The following GTF2E1 variants were observed in gnomAD, a reference collection of about 807,000 sequenced individuals.
The protein encoded by GTF2E1 is general transcription factor IIE subunit 1.
In GTF2E1, 14 loss-of-function variants were observed where a neutral mutation model predicts 34.9. That is an observed-to-expected ratio of 0.40 (90% CI 0.27 to 0.63). The LOEUF (loss-of-function observed/expected upper bound fraction) is 0.63. Ranked by LOEUF, GTF2E1 falls within the 20% of genes least tolerant of loss-of-function variation. GTF2E1 has a pLI of 0.39. For missense variants in GTF2E1, 469 were observed against 557.7 expected (o/e 0.84, Z 1.60); for synonymous variants, 188 against 192.9 (o/e 0.97, Z 0.21).
chr3:120,747,503 G>GT (rs902835490), intron 1 of GTF2E1, among the ~76,000 whole-genome samples: 1 of 152,074 alleles, frequency 6.6e-6, no homozygotes, highest in African/African-American at 2.4e-5. Flanking sequence ...GCGGTGTTTG[G>GT]TTTTTTGTTC....
intron 1 of GTF2E1, among the ~76,000 whole-genome samples, chr3:120,749,409 T>C (rs1038920256): frequency 2.6e-5 from 4 of 152,218 alleles, no homozygotes; most frequent in Admixed American, 1.3e-4. Flanking sequence ...ATAGCTCTTA[T>C]TATTTTGAGA....
chr3:120,756,499 A>G, intron 2 of GTF2E1, among the ~76,000 whole-genome samples: 1 of 152,102 alleles, frequency 6.6e-6, no homozygotes, highest in Non-Finnish European at 1.5e-5. Context: ...AAAAGTTAAA[A>G]TATATATAAA....
At chr3:120,778,982 T>TG (rs1709425050) in intron 4 of GTF2E1, among the ~76,000 whole-genome samples, 1 of 152,204 alleles carries the variant, frequency 6.6e-6, no homozygotes. Context: ...TACCCACAAT[T>TG]GCTTAGCATC....
chr3:120,756,841 C>A (rs1304317372), intron 2 of GTF2E1, among the ~76,000 whole-genome samples: 2 of 151,938 alleles, frequency 1.3e-5, no homozygotes, highest in African/African-American at 4.8e-5. Flanking sequence ...CAGGAGAATC[C>A]TTTGAACCCA....
At chr3:120,746,789 C>T (rs957013349) in intron 1 of GTF2E1, among the ~76,000 whole-genome samples, 16 of 152,182 alleles carry the variant, frequency 1.1e-4, no homozygotes, top group Admixed American at 3.9e-4. Context: ...CAGAGCAAGA[C>T]ACTCTCTCTA....
At chr3:120,777,105 A>G in intron 4 of GTF2E1, among the ~76,000 whole-genome samples, 1 of 152,228 alleles carries the variant, frequency 6.6e-6, no homozygotes, top group East Asian at 1.9e-4. Context: ...AAATAGATAC[A>G]AAGAGACCAC....
intron 1 of GTF2E1, among the ~76,000 whole-genome samples, chr3:120,748,094 G>A (rs1709124129): frequency 6.6e-6 from 1 of 152,072 alleles, no homozygotes; most frequent in South Asian, 2.1e-4. Flanking sequence ...TTTTGATGGG[G>A]TTGTTTGTTT....
intron 2 of GTF2E1, among the ~76,000 whole-genome samples, chr3:120,767,141 T>A (rs181117675): frequency 1.0e-3 from 155 of 152,278 alleles, no homozygotes; most frequent in African/African-American, 3.6e-3. Context: ...CTTTTCCTTT[T>A]GTAATATTTG....
intron 2 of GTF2E1, among the ~76,000 whole-genome samples, chr3:120,765,241 A>G (rs1436607952): frequency 1.3e-5 from 2 of 152,066 alleles, no homozygotes; most frequent in Admixed American, 6.6e-5. Context: ...GGACATTCCT[A>G]TACTACTGAA....
chr3:120,758,542 G>C (rs1325477638), intron 2 of GTF2E1, among the ~76,000 whole-genome samples: 6 of 151,822 alleles, frequency 4.0e-5, no homozygotes, highest in African/African-American at 1.5e-4. Context: ...ATTTACGTTA[G>C]GTATTTCTCC....
chr3:120,743,211 C>G (rs1157438701), intron 1 of GTF2E1, among the ~76,000 whole-genome samples: 1 of 152,230 alleles, frequency 6.6e-6, no homozygotes, highest in Non-Finnish European at 1.5e-5. Context: ...CCAAGTTGTT[C>G]TAGAACTGGA....
At position 120,743,246 on chromosome 3, in the gene GTF2E1, A is replaced by G. The variant is rs191141160; in HGVS notation, c.-31+452A>G. 3.3e-5 allele frequency among the ~76,000 whole-genome samples: 5 copies of G among 152,320 alleles called. No homozygotes were observed. In the East Asian group the frequency reaches 5.8e-4, roughly 18 times the overall value. On this transcript the variant is annotated intron_variant, in intron 1 of 4. Transcript: ENST00000283875. ...AGTGGCGATTTACTGAAGTAATCTA[A>G]CTGGTCTCTTCGCATCCACTTTTCT...
intron 2 of GTF2E1, among the ~76,000 whole-genome samples, chr3:120,766,829 G>A (rs771827185): frequency 8.6e-5 from 13 of 152,042 alleles, no homozygotes; most frequent in Non-Finnish European, 1.8e-4. Context: ...TAGCGTGGGT[G>A]CCTGCTTGCT....
At chr3:120,745,699 A>AT (rs1438722227) in intron 1 of GTF2E1, among the ~76,000 whole-genome samples, 4 of 152,104 alleles carry the variant, frequency 2.6e-5, no homozygotes, top group African/African-American at 9.7e-5. Flanking sequence ...TTATGTTGAC[A>AT]TTTTTCTGCT....
chr3:120,766,316 A>G (rs977842297), intron 2 of GTF2E1, among the ~76,000 whole-genome samples: 1 of 152,180 alleles, frequency 6.6e-6, no homozygotes, highest in East Asian at 1.9e-4. Context: ...ACTCAGGCAG[A>G]TCAATATATG....
At chr3:120,758,313 A>C (rs2107607716) in intron 2 of GTF2E1, among the ~76,000 whole-genome samples, 1 of 152,262 alleles carries the variant, frequency 6.6e-6, no homozygotes, top group East Asian at 1.9e-4. Flanking sequence ...AGAAACTACG[A>C]AGTTTTTGCT....
intron 2 of GTF2E1, among the ~76,000 whole-genome samples, chr3:120,754,714 T>C (rs1709193594): frequency 6.6e-6 from 1 of 152,134 alleles, no homozygotes; most frequent in Non-Finnish European, 1.5e-5. Context: ...TTGGAAATAA[T>C]TCGGGAGCCC....
In GTF2E1 at chr3:120,774,077, C is replaced by T. The variant is rs186109800; in HGVS notation, c.651-2346C>T. Among the ~76,000 whole-genome samples, 3 of 152,216 alleles carry T rather than the reference C, an allele frequency of 2.0e-5. No individual in the cohort carries two copies. In the East Asian group the frequency reaches 5.8e-4, roughly 29 times the overall value. ...ATTATATATAAAGAGAAGCAGTAAC[C>T]TCAGAGTGAGTGAGTCATTTAAGTC... On this transcript the variant is annotated intron_variant, in intron 3 of 4. Coordinates refer to ENST00000283875, the MANE Select transcript of GTF2E1 (RefSeq NM_005513.3).
At chr3:120,753,831 A>G (rs1347412839) in intron 2 of GTF2E1, among the ~76,000 whole-genome samples, 1 of 152,214 alleles carries the variant, frequency 6.6e-6, no homozygotes, top group African/African-American at 2.4e-5. Flanking sequence ...TTTGCTTTTG[A>G]TGTTTCTGGG....
Sources: allele counts gnomAD v4.1 joint callset (sites outside exome capture counted in the v4.1 genomes callset), GRCh38; gene constraint gnomAD v4.1.1; transcripts MANE v1.5; gene names NCBI Gene and HGNC (gene_info 2026-07-23, HGNC 2026-07-21).